ZMYM2: variants seen among roughly 807,000 people sequenced by gnomAD.
ZMYM2 encodes the protein zinc finger MYM-type containing 2.
In ZMYM2, 56 loss-of-function variants were observed where a neutral mutation model predicts 162.8. That is an observed-to-expected ratio of 0.34 (90% CI 0.28 to 0.43). The LOEUF (loss-of-function observed/expected upper bound fraction) is 0.43. ZMYM2 is among the 20% of genes least tolerant of loss of function. The pLI is 1.00. For synonymous variants in ZMYM2, 510 were observed against 541.6 expected, an observed-to-expected ratio of 0.94 and a Z score of 0.81; for missense variants, 1,275 against 1,621.8, an observed-to-expected ratio of 0.79 and a Z score of 3.67.
chr13:19,970,868 C>A (rs1956251344), intron 2 of ZMYM2, among the ~76,000 whole-genome samples: 2 of 151,992 alleles, frequency 1.3e-5, no homozygotes, highest in Non-Finnish European at 2.9e-5. Context: ...CTAGTTGAGA[C>A]CAGCGATGGA....
At chr13:20,032,583 A>G (rs984259894) in intron 10 of ZMYM2, among the ~76,000 whole-genome samples, 1 of 140,724 alleles carries the variant, frequency 7.1e-6, no homozygotes, top group Middle Eastern at 3.7e-3. Context: ...ACTGGATTAC[A>G]TGATTTTTTT....
At position 19,993,381 on chromosome 13, in the gene ZMYM2, A is replaced by T; in HGVS notation, c.309A>T (p.Ser103=). 6.2e-7 allele frequency: 1 copy of T among 1,613,742 alleles called. No homozygotes were observed. Among genetic ancestry groups the T allele is most frequent in the African/African-American group, 1.3e-5 (1 of 75,036 alleles). The change falls in exon 3 of 25, where the codon TCA becomes TCT. Residue 103 remains serine, a synonymous_variant. Coordinates refer to ENST00000610343, the MANE Select transcript of ZMYM2 (RefSeq NM_197968.4). ...ATGATTCCAAAATTACTCCTTCCTC[A>T]AAAGAGTTGGCATCTCAGAAGGGAA... ...QGNDSKITPS[S]KELASQKGSV...
the ZMYM2 span, among the ~76,000 whole-genome samples, chr13:19,937,983 A>G: frequency 0.18 from 26,866 of 151,670 alleles, 2,947 homozygotes; most frequent in South Asian, 0.3. Flanking sequence ...ATATTATTCC[A>G]TGGTGTATAT....
the ZMYM2 span, among the ~76,000 whole-genome samples, chr13:19,884,671 A>G: frequency 6.6e-6 from 1 of 152,164 alleles, no homozygotes; most frequent in Admixed American, 6.5e-5. Flanking sequence ...ATAGTTCTTA[A>G]AAGTAGCACG....
intron 3 of ZMYM2, among the ~76,000 whole-genome samples, chr13:19,999,528 C>T (rs1277375422): frequency 1.3e-5 from 2 of 152,134 alleles, no homozygotes; most frequent in African/African-American, 4.8e-5. Flanking sequence ...CTCCTTGGAC[C>T]TCCCTGTTCC....
the ZMYM2 span, among the ~76,000 whole-genome samples, chr13:19,942,561 T>C: frequency 1.4e-5 from 2 of 147,866 alleles, no homozygotes; most frequent in Non-Finnish European, 3.0e-5. Flanking sequence ...AAAAAGAAAA[T>C]TAGCCTGGCA....
At chr13:20,033,246 CT>C (rs1953367019) in intron 10 of ZMYM2, among the ~76,000 whole-genome samples, 1 of 151,888 alleles carries the variant, frequency 6.6e-6, no homozygotes, top group East Asian at 1.9e-4. Context: ...AAATGAGGTC[CT>C]TTTCACTGCA....
the ZMYM2 span, among the ~76,000 whole-genome samples, chr13:19,883,428 T>A: frequency 6.6e-6 from 1 of 152,232 alleles, no homozygotes; most frequent in Non-Finnish European, 1.5e-5. Context: ...TAAAAAAGAA[T>A]GAAGCACATC....
chr13:19,915,451 CT>C, the ZMYM2 span, among the ~76,000 whole-genome samples: 1 of 151,186 alleles, frequency 6.6e-6, no homozygotes, highest in African/African-American at 2.4e-5. Flanking sequence ...TCCTTTCTTT[CT>C]TTCTCTTACT....
the ZMYM2 span, among the ~76,000 whole-genome samples, chr13:19,924,674 G>GTA: frequency 6.6e-6 from 1 of 152,074 alleles, no homozygotes; most frequent in African/African-American, 2.4e-5. Context: ...CCATTCCATT[G>GTA]TACATATATC....
rs1953748928 is a variant in ZMYM2, at chr13:20,036,817, T to G, written c.2200T>G (p.Cys734Gly). 1.9e-6 allele frequency: 3 copies of G among 1,609,304 alleles called. No individual in the cohort carries two copies. The change falls in exon 12 of 25, where the codon TGT (cysteine) becomes GGT (glycine). Residue 734 changes from cysteine (C) to glycine (G), a missense_variant. Around this residue, in one of 10 missense-constraint regions of ZMYM2, gnomAD observed 177 missense variants for 228.0 expected, o/e 0.78. Coordinates refer to ENST00000610343, the MANE Select transcript of ZMYM2 (RefSeq NM_197968.4). ...TACTTGCAACTATTGTTCTCAGCTA[T>G]GTAAGAAGGGAGCAACTAAAGAACT... ...CVTCNYCSQL[C>G]KKGATKELDG...
At chr13:20,069,001 G>A in intron 21 of ZMYM2, among the ~76,000 whole-genome samples, 1 of 151,944 alleles carries the variant, frequency 6.6e-6, no homozygotes, top group East Asian at 1.9e-4. Context: ...CAAAATAAGG[G>A]GTTCTCTGCC....
chr13:20,080,683 T>C (rs1045361962), intron 21 of ZMYM2, among the ~76,000 whole-genome samples: 3 of 151,968 alleles, frequency 2.0e-5, no homozygotes, highest in Non-Finnish European at 4.4e-5. Context: ...AGAGACGGGG[T>C]TTCACCATCT....
intron 21 of ZMYM2, among the ~76,000 whole-genome samples, chr13:20,077,655 A>G (rs1033967578): frequency 2.6e-5 from 4 of 152,140 alleles, no homozygotes; most frequent in African/African-American, 9.7e-5. Flanking sequence ...CAATGGCAGT[A>G]CAAGGGCACA....
At chr13:20,083,253 G>C (rs1314244403) in intron 23 of ZMYM2, among the ~76,000 whole-genome samples, 1 of 152,078 alleles carries the variant, frequency 6.6e-6, no homozygotes, top group African/African-American at 2.4e-5. Flanking sequence ...GTAGAGACAG[G>C]GTTTCTCCAT....
At chr13:20,061,567 T>C (rs1593177211) in intron 17 of ZMYM2, among the ~76,000 whole-genome samples, 1 of 152,040 alleles carries the variant, frequency 6.6e-6, no homozygotes, top group African/African-American at 2.4e-5. Flanking sequence ...TATTTTGTAA[T>C]AGTTATCCCT....
intron 2 of ZMYM2, among the ~76,000 whole-genome samples, chr13:19,986,095 A>G (rs1009955232): frequency 3.9e-5 from 6 of 151,992 alleles, no homozygotes; most frequent in Admixed American, 3.9e-4. Flanking sequence ...AGTCTGAGAC[A>G]GGAGGATCCG....
chr13:19,910,417 G>A, the ZMYM2 span, among the ~76,000 whole-genome samples: 1 of 152,058 alleles, frequency 6.6e-6, no homozygotes, highest in South Asian at 2.1e-4. Flanking sequence ...TCGGTTTACT[G>A]AAGGGAAAGG....
intron 2 of ZMYM2, among the ~76,000 whole-genome samples, chr13:19,974,475 C>A (rs1342456891): frequency 1.3e-5 from 2 of 149,704 alleles, no homozygotes; most frequent in Non-Finnish European, 3.0e-5. Flanking sequence ...GAATATCCTT[C>A]TACTTTTTTT....
Sources: gnomAD v4.1 joint callset for allele counts (sites outside exome capture counted in the v4.1 genomes callset) on GRCh38, gnomAD v4.1.1 for gene constraint, gnomAD v4.1.1 regional missense constraint, MANE v1.5 for transcripts, NCBI Gene and HGNC (gene_info 2026-07-23, HGNC 2026-07-21) for gene names.